The following FBXW10 variants were observed in gnomAD, a reference collection of about 807,000 sequenced individuals.
FBXW10 encodes F-box and WD repeat domain containing 10.
Under a neutral mutation model 113.1 loss-of-function variants are expected in FBXW10, and 68 were observed. That is an observed-to-expected ratio of 0.60 (90% confidence interval 0.49 to 0.74). The LOEUF (loss-of-function observed/expected upper bound fraction) is 0.74. FBXW10 is among the 30% of genes least tolerant of loss of function. The pLI is 0.00. For missense variants in FBXW10, 753 were observed against 1,284.5 expected (o/e 0.59, Z 6.32); for synonymous variants, 289 against 481.6 (o/e 0.60, Z 5.24).
At position 18,768,572 on chromosome 17, in the gene FBXW10, C is replaced by T. The variant is rs1481814013; in HGVS notation, c.1743C>T (p.Phe581=). ...SGHEGAVKCL[F]FDQWHLLSGS... ...ATGAGGGAGCCGTGAAATGCCTGTT[C>T]TTTGACCAGTGGCATCTCCTCTCAG... Residue 581 remains phenylalanine, a synonymous_variant, in exon 10 of 14, where the codon TTC becomes TTT. Coordinates refer to ENST00000395665, the MANE Select transcript of FBXW10 (RefSeq NM_001267585.2). 1.2e-6 allele frequency: 2 copies of T among 1,614,108 alleles called. No individual in the cohort carries two copies. The highest frequency in any genetic ancestry group is 1.7e-6 in the Non-Finnish European group (2 of 1,180,012).
chr17:18,750,016 T>C lies in FBXW10; in HGVS notation c.878T>C (p.Leu293Pro). 1 of 1,614,052 alleles carries C rather than the reference T, an allele frequency of 6.2e-7. No homozygotes were observed. The highest frequency in any genetic ancestry group is 8.5e-7 in the Non-Finnish European group (1 of 1,180,016). ...TCCATCTTTTTTTTTCCAGGAATGC[T>C]GGATAGACACACCCTGAACAAGTGC... ...IHLSKYILRM[L>P]DRHTLNKCAS... Residue 293 changes from leucine (L) to proline (P), a missense_variant, in exon 4 of 14, where the codon CTG becomes CCG. By Grantham distance (98) the Leu-to-Pro change is moderately conservative (BLOSUM62 -3). Transcript: ENST00000395665.
Position 18,750,972 on chromosome 17 carries a change from G to A in FBXW10, c.1041G>A (p.Lys347=), listed in dbSNP as rs1210074682. The A allele has an allele frequency of 5.6e-6, 9 of 1,613,950 alleles. No individual in the cohort carries two copies. In the East Asian group the frequency reaches 1.3e-4, roughly 24 times the overall value. ...TRGIDPNYAN[K]VSIPVPKMVD... Reference sequence around the variant, plus strand: ...GAATTGATCCTAATTATGCCAATAAGGTTTCTATCCCAGTTCCTAAAATGG... The same window carrying A: ...GAATTGATCCTAATTATGCCAATAAAGTTTCTATCCCAGTTCCTAAAATGG... Residue 347 remains lysine, a synonymous_variant, in exon 5 of 14, where the codon AAG becomes AAA. Transcript: ENST00000395665.
chr17:18,766,693 C>G, intron 8 of FBXW10, 21 bp from the exon 9 acceptor site: 1 of 1,611,570 alleles, frequency 6.2e-7, no homozygotes, highest in Non-Finnish European at 8.5e-7. Context: ...CCATGTCTTC[C>G]TCTCTCTCCC....
chr17:18,745,657 G>A (rs566783729), intron 1 of FBXW10, among the ~76,000 whole-genome samples: 75 of 152,118 alleles, frequency 4.9e-4, no homozygotes, highest in African/African-American at 1.6e-3. Flanking sequence ...CTCGTGATCC[G>A]CCTGCCTCGG....
intron 5 of FBXW10, among the ~76,000 whole-genome samples, chr17:18,751,602 G>C (rs976960742): frequency 1.3e-5 from 2 of 152,136 alleles, no homozygotes; most frequent in African/African-American, 2.4e-5. Flanking sequence ...GTCCTCTCAG[G>C]GTTCTTCCTT....
chr17:18,745,013 T>C (rs1597585112), intron 1 of FBXW10: 1 of 1,361,552 alleles, frequency 7.3e-7, no homozygotes, highest in Non-Finnish European at 9.5e-7. Context: ...TTATCATGGA[T>C]TTCTGCATCT....
rs767794604 is a variant in FBXW10, at chr17:18,769,937, G to A, written c.1858G>A (p.Asp620Asn). ...MAFKHPKEVL[D>N]VSLLFLRVIS... ...TCTGTTCCCTTCCAGGGAGGTGCTC[G>A]ACGTGTCCCTTCTCTTCCTCCGGGT... Residue 620 changes from aspartate to asparagine, a missense_variant, in exon 11 of 14, where the codon GAC becomes AAC. Coordinates refer to ENST00000395665, the MANE Select transcript of FBXW10 (RefSeq NM_001267585.2). 10 of 1,614,044 alleles carry A rather than the reference G, an allele frequency of 6.2e-6. No homozygotes were observed. In the Admixed American group the frequency reaches 6.7e-5, roughly 11 times the overall value.
intron 12 of FBXW10, 131 bp downstream of exon 12, chr17:18,772,814 A>G: frequency 4.0e-6 from 3 of 742,682 alleles, no homozygotes; most frequent in Non-Finnish European, 6.8e-6. Context: ...CTGAGGATAT[A>G]AATCCTAACC....
intron 10 of FBXW10, chr17:18,769,680 G>A: frequency 2.2e-6 from 1 of 457,018 alleles, no homozygotes; most frequent in Non-Finnish European, 3.9e-6. Context: ...GGGAGACTGA[G>A]ACAGGAGAAT....
At chr17:18,766,391 T>C (rs1349546628) in intron 8 of FBXW10, among the ~76,000 whole-genome samples, 1 of 152,166 alleles carries the variant, frequency 6.6e-6, no homozygotes, top group African/African-American at 2.4e-5. Flanking sequence ...GCAAGCATTT[T>C]TCAGGCTTGA....
chr17:18,777,617 T>C (rs867148388), intron 13 of FBXW10, among the ~76,000 whole-genome samples: 24 of 151,260 alleles, frequency 1.6e-4, no homozygotes, highest in African/African-American at 5.1e-4. Flanking sequence ...GATCTTGGCT[T>C]ACTGCAAGCT....
intron 8 of FBXW10, among the ~76,000 whole-genome samples, chr17:18,765,213 T>C (rs1232531988): frequency 6.6e-6 from 1 of 152,202 alleles, no homozygotes; most frequent in Admixed American, 6.5e-5. Context: ...AATAAGTCCA[T>C]GAACAACAAT....
chr17:18,766,602 A>G, intron 8 of FBXW10, 112 bp from the exon 9 acceptor site: 2 of 1,374,432 alleles, frequency 1.5e-6, no homozygotes, highest in Non-Finnish European at 2.0e-6. Flanking sequence ...ATCTGACTTG[A>G]TGGGCTTGAT....
intron 11 of FBXW10, among the ~76,000 whole-genome samples, chr17:18,771,192 A>C (rs2035606702): frequency 1.3e-5 from 2 of 152,102 alleles, no homozygotes; most frequent in South Asian, 4.1e-4. Context: ...GAGTGAACGT[A>C]AGTCTAAAAG....
intron 11 of FBXW10, among the ~76,000 whole-genome samples, chr17:18,770,372 C>T (rs1275946535): frequency 2.6e-5 from 4 of 151,136 alleles, no homozygotes; most frequent in South Asian, 2.1e-4. Context: ...GATGTGATCT[C>T]GGCTCACTGC....
intron 9 of FBXW10, among the ~76,000 whole-genome samples, chr17:18,768,225 G>T (rs1213837538): frequency 6.6e-6 from 1 of 151,976 alleles, no homozygotes; most frequent in Non-Finnish European, 1.5e-5. Context: ...GTGCCACCAT[G>T]CCCAGCTAAT....
intron 1 of FBXW10, chr17:18,745,079 C>G: frequency 8.1e-7 from 1 of 1,233,802 alleles, no homozygotes; most frequent in Non-Finnish European, 1.0e-6. Flanking sequence ...TGGTGTCGTT[C>G]CTGCTTTAGG....
At chr17:18,760,490 A>G (rs12943180) in intron 7 of FBXW10, among the ~76,000 whole-genome samples, 20,510 of 151,984 alleles carry the variant, frequency 0.13, 1,301 homozygotes, top group Non-Finnish European at 0.19. Flanking sequence ...TAGTATCTAC[A>G]TGAATTTTGT....
Position 18,778,571 on chromosome 17 carries a change from C to T in FBXW10, c.2432C>T (p.Ser811Leu). The T allele has an allele frequency of 6.2e-7, 1 of 1,614,000 alleles. No individual in the cohort carries two copies. Among genetic ancestry groups the T allele is most frequent in the South Asian group, 1.1e-5 (1 of 91,074 alleles). Residue 811 changes from serine to leucine, a missense_variant, in exon 14 of 14, where the codon TCA becomes TTA. Physicochemically the swap from Ser to Leu is moderately radical, Grantham distance 145 (BLOSUM62 -2). Transcript: ENST00000395665. ...AAAAAGTCTTGGAAAATCCCTATGT[C>T]ACCTGACCAATTCCTCCTGACTGTT... The part of the protein sequence containing the change: ...PKKKSWKIPM[S>L]PDQFLLTVSA...
Sources: allele counts gnomAD v4.1 joint callset (sites outside exome capture counted in the v4.1 genomes callset), GRCh38; gene constraint gnomAD v4.1.1; transcripts MANE v1.5; gene names NCBI Gene and HGNC (gene_info 2026-07-23, HGNC 2026-07-21).